Variants in WNT2B observed in about 807,000 individuals in gnomAD.
WNT2B encodes Wnt family member 2B.
Under a neutral mutation model 40.5 loss-of-function variants are expected in WNT2B, and 19 were observed. That is an observed-to-expected ratio of 0.47 (90% CI 0.33 to 0.69). The LOEUF (loss-of-function observed/expected upper bound fraction) is 0.69, where lower values mean the gene tolerates loss of function less well. WNT2B is among the 30% of genes least tolerant of loss of function. WNT2B has a pLI of 0.02. For synonymous variants in WNT2B, 220 were observed against 211.9 expected, an observed-to-expected ratio of 1.04 and a Z score of -0.33; for missense variants, 467 against 556.4, an observed-to-expected ratio of 0.84 and a Z score of 1.62.
chr1:112,511,101 A>G (rs937132292), intron 1 of WNT2B, among the ~76,000 whole-genome samples: 1 of 152,126 alleles, frequency 6.6e-6, no homozygotes, highest in Non-Finnish European at 1.5e-5. Context: ...AGTGGTTCCT[A>G]AAGACCCAAA....
chr1:112,502,781 T>C (rs1570783402), intron 1 of WNT2B, among the ~76,000 whole-genome samples: 1 of 152,076 alleles, frequency 6.6e-6, no homozygotes, highest in Non-Finnish European at 1.5e-5. Context: ...AAATGACTGG[T>C]GCAGTTTTAG....
chr1:112,508,065 A>C (rs558647756), upstream of WNT2B, among the ~76,000 whole-genome samples: 113 of 151,950 alleles, frequency 7.4e-4, 1 homozygote, highest in South Asian at 0.024. This position sits in a 1 kb window ranked among gnomAD's most constrained non-coding sequence, Gnocchi z 4.2. Flanking sequence ...AGTGGGGAGG[A>C]GGCAGGGCGA....
At chr1:112,507,066 G>A (rs569367101), upstream of WNT2B, among the ~76,000 whole-genome samples, 4 of 152,222 alleles carry the variant, frequency 2.6e-5, no homozygotes, top group South Asian at 6.2e-4. Context: ...GTCCCTGTAC[G>A]GGCTCTGCCC....
chr1:112,470,403 A>G (rs1358092206), intron 1 of WNT2B, among the ~76,000 whole-genome samples: 1 of 152,070 alleles, frequency 6.6e-6, no homozygotes, highest in Non-Finnish European at 1.5e-5. Context: ...AGCCTGGCCA[A>G]TATGGTGAAA....
chr1:112,505,840 A>T (rs1346733097), upstream of WNT2B, among the ~76,000 whole-genome samples: 1 of 152,210 alleles, frequency 6.6e-6, no homozygotes, highest in Non-Finnish European at 1.5e-5. Context: ...AGAAGGAGCC[A>T]AGCCTCATCC....
intron 1 of WNT2B, among the ~76,000 whole-genome samples, chr1:112,473,079 G>GGAAGAAAAAGAA (rs879781598): frequency 7.1e-6 from 1 of 140,052 alleles, no homozygotes; most frequent in Non-Finnish European, 1.6e-5. Flanking sequence ...GAAAAAGAAA[G>GGAAGAAAAAGAA]AAAGAAACAC....
At chr1:112,514,464 T>A (rs1468931867) in intron 1 of WNT2B, among the ~76,000 whole-genome samples, 1 of 152,210 alleles carries the variant, frequency 6.6e-6, no homozygotes, top group Non-Finnish European at 1.5e-5. Flanking sequence ...TCCCTCTTAA[T>A]GGGAGCATAA....
chr1:112,491,235 C>G (rs1557912408), intron 1 of WNT2B, among the ~76,000 whole-genome samples: 1 of 151,980 alleles, frequency 6.6e-6, no homozygotes, highest in Non-Finnish European at 1.5e-5. Context: ...TGGTGAAACT[C>G]CGTCTCTACC....
At chr1:112,478,821 G>A (rs113839020) in intron 1 of WNT2B, among the ~76,000 whole-genome samples, 8,636 of 152,246 alleles carry the variant, frequency 0.057, 290 homozygotes, top group Middle Eastern at 0.099. Flanking sequence ...TACCAGGGAG[G>A]CTGAGGCAGG....
In WNT2B at chr1:112,523,904, A is replaced by T. The variant is rs1415899451; in HGVS notation, c.*3395A>T. On this transcript the variant is annotated 3_prime_UTR_variant, in exon 5 of 5. Coordinates refer to ENST00000369684, the MANE Select transcript of WNT2B (RefSeq NM_024494.3). ...GCCTTAACCTAGCCCTGCAGATAAA[A>T]GCTAACTTTTATTAATACCAGCCCT... 1 of 152,062 alleles carries T rather than the reference A, an allele frequency of 6.6e-6. No individual in the cohort carries two copies. 9.4% of individuals were successfully genotyped at this position (152,062 alleles called of 1,614,324 possible). A position where few individuals can be genotyped will look rare whatever the true frequency, so the allele number is the denominator to read the frequency against.
At chr1:112,520,174 C>A (rs1247545249) in intron 4 of WNT2B, 106 bp from the exon 5 acceptor site, 3 of 1,152,890 alleles carry the variant, frequency 2.6e-6, no homozygotes, top group African/African-American at 1.5e-5. Context: ...CTGTGCCCAG[C>A]CCAAAAAAGC....
In WNT2B at chr1:112,524,531, G is replaced by A. The variant is rs1405479784; in HGVS notation, c.*4022G>A. ...AGCAATCCTGCAGAGCCGCCCCCTG[G>A]GTGCAGAAATGAAATACGGGAGAGC... is the stretch of plus-strand genomic sequence containing the variant. On this transcript the variant is annotated 3_prime_UTR_variant, in exon 5 of 5. Transcript: ENST00000369684. 1 of 152,568 alleles carries A rather than the reference G, an allele frequency of 6.6e-6. No individual in the cohort carries two copies. The highest frequency in any genetic ancestry group is 1.9e-4 in the East Asian group (1 of 5,200). 9.5% of individuals were successfully genotyped at this position (152,568 alleles called of 1,614,324 possible).
At chr1:112,491,037 A>C (rs1483817754) in intron 1 of WNT2B, 10 of 1,614,030 alleles carry the variant, frequency 6.2e-6, no homozygotes, top group Non-Finnish European at 7.6e-6. Context: ...GGACGGCAGT[A>C]CCTGGCATAC....
Position 112,521,236 on chromosome 1 carries a change from T to TAAC in WNT2B, c.*730_*732dup, listed in dbSNP as rs1382872303. 6.6e-6 allele frequency: 1 copy of TAAC among 152,260 alleles called. No individual in the cohort carries two copies. The highest frequency in any genetic ancestry group is 1.5e-5 in the Non-Finnish European group (1 of 68,180). The allele number at this position is 152,260 out of a possible 1,614,324, so 9.4% of individuals were successfully genotyped here. On this transcript the variant is annotated 3_prime_UTR_variant, in exon 5 of 5. Coordinates refer to ENST00000369684, the MANE Select transcript of WNT2B (RefSeq NM_024494.3). ...GGTGGAATGCAGTGGTTCCCATGCT[T>TAAC]AACAAATCATTAAAACACCCTAGAA...
At chr1:112,492,543 A>G (rs755931193) in intron 1 of WNT2B, among the ~76,000 whole-genome samples, 17 of 152,232 alleles carry the variant, frequency 1.1e-4, no homozygotes, top group Admixed American at 2.6e-4. Flanking sequence ...CACAGTAAAT[A>G]TCAGAAAAAT....
intron 1 of WNT2B, among the ~76,000 whole-genome samples, chr1:112,481,842 A>T (rs1392809953): frequency 6.6e-6 from 1 of 151,560 alleles, no homozygotes; most frequent in Non-Finnish European, 1.5e-5. Context: ...AGACCCCCAT[A>T]TCTACAAAAA....
chr1:112,514,528 A>C (rs1652459542), intron 1 of WNT2B, among the ~76,000 whole-genome samples: 1 of 152,132 alleles, frequency 6.6e-6, no homozygotes, highest in African/African-American at 2.4e-5. Context: ...GAAGCTCTTA[A>C]TGTTTATTAA....
intron 1 of WNT2B, among the ~76,000 whole-genome samples, chr1:112,482,322 AAATAAT>A (rs543523666): frequency 6.6e-6 from 1 of 152,030 alleles, no homozygotes; most frequent in Non-Finnish European, 1.5e-5. Context: ...CTGTGTCAAA[AAATAAT>A]AATAATAATC....
rs1652827860 is a variant in WNT2B at position 112,520,766 on chromosome 1, A to AG, written c.*262dup. ...GATTTGAAGGGAGAGTAGAAGAGAT[A>AG]GGGGGTCTTTAGAGTGAAATGAGTT... is the stretch of plus-strand genomic sequence containing the variant. On this transcript the variant is annotated 3_prime_UTR_variant, in exon 5 of 5. Transcript: ENST00000369684. The AG allele has an allele frequency of 1.9e-6, 1 of 540,228 alleles. No homozygotes were observed. The highest frequency in any genetic ancestry group is 3.2e-5 in the Admixed American group (1 of 31,436). 33.5% of individuals were successfully genotyped at this position (540,228 alleles called of 1,614,324 possible). A position where few individuals can be genotyped will look rare whatever the true frequency, so the allele number is the denominator to read the frequency against.
Sources: gnomAD v4.1 joint callset for allele counts (sites outside exome capture counted in the v4.1 genomes callset) on GRCh38, gnomAD v4.1.1 for gene constraint, Gnocchi (gnomAD v3.1) non-coding constraint, MANE v1.5 for transcripts, NCBI Gene and HGNC (gene_info 2026-07-23, HGNC 2026-07-21) for gene names.